Variants in EPB41L2 observed in about 807,000 individuals in gnomAD.
EPB41L2 encodes band 4.1-like protein 2.
Under a neutral mutation model 113.0 loss-of-function variants are expected in EPB41L2, and 43 were observed. The observed-to-expected ratio is 0.38, with a 90% CI of 0.30 to 0.49. The LOEUF is 0.49. EPB41L2 is among the 20% of genes least tolerant of loss of function. The pLI, the probability that EPB41L2 is intolerant of heterozygous loss-of-function variation, is 0.95. For missense variants in EPB41L2, 1,147 were observed against 1,223.4 expected (o/e 0.94, Z 0.93); for synonymous variants, 442 against 436.7 (o/e 1.01, Z -0.15).
intron 17 of EPB41L2, 117 bp from the exon 18 acceptor site, chr6:130,863,835 C>G (rs867707): frequency 0.34 from 208,889 of 608,292 alleles, 38,045 homozygotes; most frequent in African/African-American, 0.54. Flanking sequence ...AGGCCACACA[C>G]AACAAGCAGC....
At chr6:130,904,069 T>C (rs1287872453) in intron 6 of EPB41L2, among the ~76,000 whole-genome samples, 1 of 152,190 alleles carries the variant, frequency 6.6e-6, no homozygotes, top group African/African-American at 2.4e-5. Flanking sequence ...TTTAAAATAA[T>C]TTCATTTTGC....
At chr6:130,904,661 AT>A (rs1162789036) in intron 5 of EPB41L2, 121 bp from the exon 6 acceptor site, 3 of 411,930 alleles carry the variant, frequency 7.3e-6, no homozygotes, top group African/African-American at 4.1e-5. Flanking sequence ...AGCATGCAGA[AT>A]TTTTTTATTT....
chr6:130,841,075 G>A (rs1775320221), intron 19 of EPB41L2, among the ~76,000 whole-genome samples: 1 of 152,108 alleles, frequency 6.6e-6, no homozygotes, highest in African/African-American at 2.4e-5. Flanking sequence ...GTTGGGGGAG[G>A]AGGCAGAAAC....
chr6:130,855,223 G>A (rs1006885152), intron 19 of EPB41L2, among the ~76,000 whole-genome samples: 6 of 151,856 alleles, frequency 4.0e-5, no homozygotes, highest in Non-Finnish European at 7.4e-5. Flanking sequence ...GATGGTGGGC[G>A]CCTGTAATTC....
intron 12 of EPB41L2, among the ~76,000 whole-genome samples, chr6:130,884,654 T>C (rs1008660615): frequency 2.6e-5 from 4 of 152,242 alleles, no homozygotes; most frequent in African/African-American, 9.6e-5. Flanking sequence ...AATTACCTTT[T>C]CTTGAGAATT....
intron 14 of EPB41L2, chr6:130,876,875 A>C: frequency 3.4e-5 from 18 of 535,078 alleles, no homozygotes; most frequent in Non-Finnish European, 5.2e-5. Context: ...GGTCAATGAC[A>C]CACACCAGGA....
At chr6:130,971,719 C>G (rs1308073555) in intron 1 of EPB41L2, among the ~76,000 whole-genome samples, 1 of 152,206 alleles carries the variant, frequency 6.6e-6, no homozygotes, top group Admixed American at 6.5e-5. Context: ...TTTCAGACCA[C>G]AGATGACTGC....
intron 12 of EPB41L2, among the ~76,000 whole-genome samples, chr6:130,884,185 T>G (rs1295954182): frequency 2.0e-5 from 3 of 151,740 alleles, no homozygotes; most frequent in African/African-American, 7.3e-5. Context: ...AATACAAAAT[T>G]AGCCGGGCAC....
chr6:130,880,034 A>G, intron 13 of EPB41L2, 110 bp downstream of exon 13: 1 of 744,716 alleles, frequency 1.3e-6, no homozygotes, highest in Non-Finnish European at 2.3e-6. Flanking sequence ...TCCCCCATGC[A>G]CTGCATGCAC....
intron 14 of EPB41L2, among the ~76,000 whole-genome samples, chr6:130,872,138 T>C (rs1420116206): frequency 6.6e-6 from 1 of 152,114 alleles, no homozygotes; most frequent in African/African-American, 2.4e-5. Context: ...ATTTAAATTA[T>C]TCTCTGAATT....
At chr6:130,890,741 A>G (rs534156845) in intron 10 of EPB41L2, among the ~76,000 whole-genome samples, 3 of 152,284 alleles carry the variant, frequency 2.0e-5, no homozygotes, top group Admixed American at 6.5e-5. Flanking sequence ...ATCAAAGGTT[A>G]TTTATTTGTA....
intron 1 of EPB41L2, among the ~76,000 whole-genome samples, chr6:131,021,469 A>T (rs1484691420): frequency 2.0e-5 from 3 of 152,160 alleles, no homozygotes; most frequent in East Asian, 1.9e-4. Flanking sequence ...AAAAACCCTC[A>T]GGAAAAAGGG....
intron 1 of EPB41L2, among the ~76,000 whole-genome samples, chr6:130,965,721 TA>T: frequency 6.7e-6 from 1 of 149,354 alleles, no homozygotes; most frequent in Middle Eastern, 3.5e-3. Context: ...ACACTCTTAG[TA>T]AAAGAAATGA....
chr6:130,938,863 C>T (rs1466376360), intron 3 of EPB41L2, among the ~76,000 whole-genome samples: 1 of 152,092 alleles, frequency 6.6e-6, no homozygotes, highest in Non-Finnish European at 1.5e-5. Context: ...TACTTAGCTG[C>T]TTATCTGCTA....
intron 4 of EPB41L2, among the ~76,000 whole-genome samples, chr6:130,922,540 C>T (rs1471202410): frequency 3.3e-5 from 5 of 152,068 alleles, no homozygotes; most frequent in Non-Finnish European, 7.4e-5. Flanking sequence ...ATCTTATCAC[C>T]AACATTTATT....
rs1554361720 is a variant in EPB41L2, at chr6:131,059,114, C to CTT, written c.-15+4039_-15+4040dup. ...TCTTTCCTTCTTGGCTTACCTATAA[C>CTT]TTTTTTTTTTTTTTTTTTGAGATGG... On this transcript the variant is annotated intron_variant, in intron 1 of 19. Coordinates refer to ENST00000337057, the MANE Select transcript of EPB41L2 (RefSeq NM_001431.4). 3.4e-4 allele frequency among the ~76,000 whole-genome samples: 45 copies of CTT among 131,370 alleles called. 1 individual carries two copies. The highest frequency in any genetic ancestry group is 5.9e-4 in the Non-Finnish European group (37 of 62,920). The allele number at this position is 131,370 out of a possible 152,430, so 86.2% of individuals were successfully genotyped here.
chr6:131,002,250 C>T (rs1451991106), intron 1 of EPB41L2, among the ~76,000 whole-genome samples: 1 of 152,042 alleles, frequency 6.6e-6, no homozygotes, highest in African/African-American at 2.4e-5. Flanking sequence ...TCAAATTAGC[C>T]CCAAATGCAC....
chr6:131,006,277 G>A (rs1000892607), intron 1 of EPB41L2, among the ~76,000 whole-genome samples: 6 of 151,416 alleles, frequency 4.0e-5, no homozygotes, highest in African/African-American at 7.3e-5. Context: ...GGCTGGTCTC[G>A]AACTCCTGAC....
rs80191892 is a variant in EPB41L2 at position 130,935,289 on chromosome 6, C to G, written c.706-8580G>C. Among the ~76,000 whole-genome samples the G allele has an allele frequency of 7.2e-4, 109 of 152,306 alleles. No homozygotes were observed. The East Asian group carries it at 9.6e-3, about 13-fold the overall frequency. On this transcript the variant is annotated intron_variant, in intron 3 of 19. Transcript: ENST00000337057. ...CACAGGTTCACCTTTAATAAAATCACATAGATACTTTGACTCCTTACTTGC... is the reference window on the plus strand; with the variant it reads ...CACAGGTTCACCTTTAATAAAATCAGATAGATACTTTGACTCCTTACTTGC...
Sources: gnomAD v4.1 joint callset for allele counts (sites outside exome capture counted in the v4.1 genomes callset) on GRCh38, gnomAD v4.1.1 for gene constraint, MANE v1.5 for transcripts, NCBI Gene and HGNC (gene_info 2026-07-23, HGNC 2026-07-21) for gene names.